The following CTNNBL1 variants were observed in gnomAD, a reference collection of about 807,000 sequenced individuals.
The protein encoded by CTNNBL1 is beta-catenin-like protein 1.
A neutral mutation model predicts 72.7 loss-of-function variants in CTNNBL1; 31 were observed. The observed-to-expected ratio is 0.43, with a 90% confidence interval of 0.32 to 0.58. CTNNBL1 has a LOEUF of 0.58. Among genes scored for constraint, CTNNBL1 ranks in the 20% least tolerant of loss-of-function variants. CTNNBL1 has a pLI of 0.08. For missense variants in CTNNBL1, 534 were observed against 725.1 expected, an observed-to-expected ratio of 0.74 and a Z score of 3.03; for synonymous variants, 240 against 267.3, an observed-to-expected ratio of 0.90 and a Z score of 1.00.
intron 13 of CTNNBL1, among the ~76,000 whole-genome samples, chr20:37,858,006 ACATAGTGAGACCCTGTCT>A (rs2072458067): frequency 6.6e-6 from 1 of 152,204 alleles, no homozygotes; most frequent in South Asian, 2.1e-4. Context: ...AGCCGAGGCA[ACATAGTGAGACCCTGTCT>A]CTACACACAC....
intron 10 of CTNNBL1, among the ~76,000 whole-genome samples, chr20:37,795,904 ATTT>A (rs10602071): frequency 0.31 from 42,807 of 138,454 alleles, 7,237 homozygotes; most frequent in Middle Eastern, 0.42. Flanking sequence ...TAGATGTTGA[ATTT>A]TTTTTTTTTT....
chr20:37,866,890 C>T (rs1053417242), intron 15 of CTNNBL1, among the ~76,000 whole-genome samples: 32 of 152,238 alleles, frequency 2.1e-4, no homozygotes, highest in African/African-American at 7.2e-4. Flanking sequence ...TGAGATGCCA[C>T]CAGGAAAAGC....
chr20:37,713,815 C>G (rs995629828), intron 1 of CTNNBL1, among the ~76,000 whole-genome samples: 1 of 152,068 alleles, frequency 6.6e-6, no homozygotes, highest in Non-Finnish European at 1.5e-5. Flanking sequence ...CCCATGAAAC[C>G]AAGCCAAAAG....
At chr20:37,740,978 A>G (rs2073210715) in intron 3 of CTNNBL1, among the ~76,000 whole-genome samples, 1 of 152,086 alleles carries the variant, frequency 6.6e-6, no homozygotes, top group East Asian at 1.9e-4. Context: ...GGACTTACCA[A>G]TTTCTGTGGC....
intron 11 of CTNNBL1, among the ~76,000 whole-genome samples, chr20:37,828,735 G>A (rs117545017): frequency 8.5e-5 from 13 of 152,252 alleles, no homozygotes; most frequent in East Asian, 3.9e-4. Context: ...TATGTACCCC[G>A]TGTATGTGTA....
chr20:37,808,251 T>C (rs918578236), intron 11 of CTNNBL1, among the ~76,000 whole-genome samples: 1 of 152,184 alleles, frequency 6.6e-6, no homozygotes, highest in East Asian at 1.9e-4. Flanking sequence ...ACTCCACATA[T>C]CAGGAAGCAT....
intron 11 of CTNNBL1, among the ~76,000 whole-genome samples, chr20:37,822,883 G>A (rs746403444): frequency 6.6e-6 from 1 of 152,134 alleles, no homozygotes; most frequent in African/African-American, 2.4e-5. Flanking sequence ...ATGGTTTTTC[G>A]CTCCTCAGAA....
intron 13 of CTNNBL1, among the ~76,000 whole-genome samples, chr20:37,843,052 C>CA (rs149873834): frequency 0.012 from 1,839 of 152,296 alleles, 37 homozygotes; most frequent in African/African-American, 0.042. Context: ...CTGTGTTTTT[C>CA]ACCTCCTTCC....
chr20:37,850,104 G>A lies in CTNNBL1; in HGVS notation c.1392+7685G>A, dbSNP rs1464895820. On this transcript the variant is annotated intron_variant, in intron 13 of 15. Transcript: ENST00000361383. The stretch of plus-strand genomic sequence containing the variant: ...TCTCCTTTTCTCCAGTAGGGTTGTC[G>A]TTTTCAGCCTTGTATTATTGCATCG... 5.3e-5 allele frequency among the ~76,000 whole-genome samples: 8 copies of A among 152,086 alleles called. No individual in the cohort carries two copies. The Middle Eastern group carries it at 0.01, about 195-fold the overall frequency.
intron 11 of CTNNBL1, among the ~76,000 whole-genome samples, chr20:37,839,589 T>C (rs986767786): frequency 4.6e-5 from 7 of 152,242 alleles, no homozygotes; most frequent in African/African-American, 1.2e-4. Context: ...ACCTTTAAAC[T>C]TGAAGCGGGG....
intron 1 of CTNNBL1, among the ~76,000 whole-genome samples, chr20:37,706,884 A>G (rs1600433522): frequency 6.6e-6 from 1 of 152,222 alleles, no homozygotes; most frequent in East Asian, 1.9e-4. Flanking sequence ...TCTTTGATCC[A>G]TGGGCTGCAG....
chr20:37,698,359 G>A (rs768335867), intron 1 of CTNNBL1, among the ~76,000 whole-genome samples: 13 of 152,144 alleles, frequency 8.5e-5, no homozygotes, highest in African/African-American at 1.2e-4. Flanking sequence ...TTAATTGGCC[G>A]GCTAGAACCA....
intron 1 of CTNNBL1, among the ~76,000 whole-genome samples, chr20:37,720,322 G>A (rs755483084): frequency 1.1e-4 from 16 of 152,090 alleles, no homozygotes; most frequent in Non-Finnish European, 1.9e-4. Flanking sequence ...GCCACTGTGC[G>A]TGGCCTGAAT....
chr20:37,869,821 G>A (rs1463580457), intron 15 of CTNNBL1, among the ~76,000 whole-genome samples: 1 of 152,110 alleles, frequency 6.6e-6, no homozygotes, highest in African/African-American at 2.4e-5. Flanking sequence ...ACCACCCAAG[G>A]GCACAGTTGT....
chr20:37,747,025 A>G (rs906026376), intron 4 of CTNNBL1, among the ~76,000 whole-genome samples: 1 of 152,314 alleles, frequency 6.6e-6, no homozygotes, highest in African/African-American at 2.4e-5. Context: ...ACCATGGTAA[A>G]AAGCACATTT....
chr20:37,755,132 T>A (rs927555351), intron 4 of CTNNBL1, among the ~76,000 whole-genome samples: 3 of 152,184 alleles, frequency 2.0e-5, no homozygotes, highest in Non-Finnish European at 4.4e-5. Context: ...TAGCTTTACC[T>A]TTCTTATCTG....
At chr20:37,746,731 A>G (rs906053717) in intron 4 of CTNNBL1, 124 bp downstream of exon 4, 7 of 1,239,724 alleles carry the variant, frequency 5.6e-6, no homozygotes, top group African/African-American at 1.5e-5. Context: ...CATTCTAATT[A>G]TCTTCTGTCT....
At position 37,696,744 on chromosome 20, in the gene CTNNBL1, C is replaced by T. The variant is rs551385779; in HGVS notation, c.30+2592C>T. On this transcript the variant is annotated intron_variant, in intron 1 of 15. Coordinates refer to ENST00000361383, the MANE Select transcript of CTNNBL1 (RefSeq NM_030877.5). ...AGGCGTGAGCCACTGCCCCTGGCCA[C>T]GTGAAAATAATGTACAGTACCTTAA... Among the ~76,000 whole-genome samples, 112 of 151,690 alleles carry T rather than the reference C, an allele frequency of 7.4e-4. 1 individual carries two copies. Among genetic ancestry groups the T allele is most frequent in the African/African-American group, 2.5e-3 (105 of 41,394 alleles).
At chr20:37,792,358 G>A (rs887127238) in intron 10 of CTNNBL1, among the ~76,000 whole-genome samples, 1 of 151,882 alleles carries the variant, frequency 6.6e-6, no homozygotes, top group African/African-American at 2.4e-5. Context: ...GTGTGTGTTT[G>A]AGATCAGTTC....
Sources: gnomAD v4.1 joint callset for allele counts (sites outside exome capture counted in the v4.1 genomes callset) on GRCh38, gnomAD v4.1.1 for gene constraint, MANE v1.5 for transcripts, NCBI Gene and HGNC (gene_info 2026-07-23, HGNC 2026-07-21) for gene names.